SLC2A12: variants seen among roughly 807,000 people sequenced by gnomAD.
SLC2A12 encodes the protein solute carrier family 2, facilitated glucose transporter member 12.
In SLC2A12, 23 loss-of-function variants were observed where a neutral mutation model predicts 41.8. That is an observed-to-expected ratio of 0.55 (90% CI 0.40 to 0.78). The LOEUF (loss-of-function observed/expected upper bound fraction) is 0.78. Among genes scored for constraint, SLC2A12 ranks in the 30% least tolerant of loss-of-function variants. The pLI is 0.00. For missense variants in SLC2A12, 654 were observed against 745.6 expected (o/e 0.88, Z 1.43); for synonymous variants, 295 against 285.9 (o/e 1.03, Z -0.32).
chr6:133,996,741 C>T (rs1197987863), intron 4 of SLC2A12, among the ~76,000 whole-genome samples: 33 of 152,286 alleles, frequency 2.2e-4, no homozygotes, highest in Non-Finnish European at 2.9e-5. Context: ...TTCAAGTTCA[C>T]CTCAGCTTCT....
At chr6:134,025,073 G>A (rs745702038) in intron 2 of SLC2A12, among the ~76,000 whole-genome samples, 2 of 152,148 alleles carry the variant, frequency 1.3e-5, no homozygotes, top group African/African-American at 2.4e-5. Context: ...CTTCAGAAAA[G>A]CAGAGACTAT....
chr6:134,027,037 T>C (rs1006704514), intron 2 of SLC2A12, among the ~76,000 whole-genome samples: 2 of 152,128 alleles, frequency 1.3e-5, no homozygotes, highest in African/African-American at 4.8e-5. Flanking sequence ...TTAATTGAGA[T>C]TAAGCAGGCC....
chr6:134,021,670 G>A (rs919202037), intron 2 of SLC2A12, among the ~76,000 whole-genome samples: 5 of 152,122 alleles, frequency 3.3e-5, no homozygotes, highest in African/African-American at 4.8e-5. Context: ...TCACGTAAAG[G>A]TCACACCACC....
chr6:133,994,189 G>A (rs949992028), intron 4 of SLC2A12, among the ~76,000 whole-genome samples: 2 of 152,200 alleles, frequency 1.3e-5, no homozygotes, highest in African/African-American at 4.8e-5. Flanking sequence ...ATGTGAGAAA[G>A]AGGAAAGACT....
chr6:134,001,768 A>G (rs775394088), intron 4 of SLC2A12, among the ~76,000 whole-genome samples: 53 of 152,116 alleles, frequency 3.5e-4, no homozygotes, highest in Admixed American at 2.4e-3. Flanking sequence ...AAAAAAAAAA[A>G]AAAGCTTCAT....
chr6:134,022,595 A>T (rs1345012379), intron 2 of SLC2A12, among the ~76,000 whole-genome samples: 3 of 142,888 alleles, frequency 2.1e-5, no homozygotes, highest in Non-Finnish European at 3.1e-5. Flanking sequence ...AAAGAAAAGA[A>T]AAATGTTGCC....
chr6:133,993,176 T>C (rs1368808469), intron 4 of SLC2A12, among the ~76,000 whole-genome samples: 1 of 152,164 alleles, frequency 6.6e-6, no homozygotes, highest in East Asian at 1.9e-4. Context: ...TCTCTCTCTG[T>C]TCTCTGACCA....
chr6:134,042,516 G>A lies in SLC2A12; in HGVS notation c.103+9862C>T, dbSNP rs966547267. On this transcript the variant is annotated intron_variant, in intron 1 of 4. Coordinates refer to ENST00000275230, the MANE Select transcript of SLC2A12 (RefSeq NM_145176.3). ...AGAGTGAGACAGAGAAAGAGAAAGAGAGAATGAAAGGCTAAGAGAGCCCAG... is the reference window on the plus strand; with the variant it reads ...AGAGTGAGACAGAGAAAGAGAAAGAAAGAATGAAAGGCTAAGAGAGCCCAG... 2.0e-5 allele frequency among the ~76,000 whole-genome samples: 3 copies of A among 148,608 alleles called. No individual in the cohort carries two copies. In the South Asian group the frequency reaches 6.4e-4, roughly 32 times the overall value.
At chr6:133,994,781 G>A (rs1776666680) in intron 4 of SLC2A12, among the ~76,000 whole-genome samples, 1 of 152,166 alleles carries the variant, frequency 6.6e-6, no homozygotes, top group Non-Finnish European at 1.5e-5. Context: ...GAGGGTGATA[G>A]AGAAGTGGTC....
At position 134,052,481 on chromosome 6, in the gene SLC2A12, G is replaced by A; in HGVS notation, c.-1C>T. The A allele has an allele frequency of 6.2e-7, 1 of 1,612,442 alleles. No homozygotes were observed. Among genetic ancestry groups the A allele is most frequent in the Non-Finnish European group, 8.5e-7 (1 of 1,179,656 alleles). On this transcript the variant is annotated 5_prime_UTR_variant, in exon 1 of 5. Coordinates refer to ENST00000275230, the MANE Select transcript of SLC2A12 (RefSeq NM_145176.3). ...CCTCGGTGTTTTCAACAGGTACCAT[G>A]GTCACGTAGAAGTTACAGCCGCTTC...
At chr6:134,032,255 G>A (rs1458472175) in intron 1 of SLC2A12, among the ~76,000 whole-genome samples, 1 of 151,412 alleles carries the variant, frequency 6.6e-6, no homozygotes, top group Non-Finnish European at 1.5e-5. Context: ...GCAAATAAAG[G>A]TGCAATAATC....
At position 133,990,752 on chromosome 6, in the gene SLC2A12, C is replaced by G. The variant is rs1264909544; in HGVS notation, c.*403G>C. On this transcript the variant is annotated 3_prime_UTR_variant, in exon 5 of 5. Coordinates refer to ENST00000275230, the MANE Select transcript of SLC2A12 (RefSeq NM_145176.3). ...GTGTCTTGGTAGGCAGAAACTGTAC[C>G]CTCATGTCCAGACCACTTGTGTGTC... 6.5e-6 allele frequency: 1 copy of G among 154,944 alleles called. No individual in the cohort carries two copies. The highest frequency in any genetic ancestry group is 2.4e-5 in the African/African-American group (1 of 41,556). 9.6% of individuals were successfully genotyped at this position (154,944 alleles called of 1,614,324 possible). A position where few individuals can be genotyped will look rare whatever the true frequency, so the allele number is the denominator to read the frequency against.
chr6:134,052,504 T>C lies in SLC2A12; in HGVS notation c.-24A>G. The stretch of plus-strand genomic sequence containing the variant: ...ATGGTCACGTAGAAGTTACAGCCGC[T>C]TCCCCGCCACCAAACCGCCCCGACC... On this transcript the variant is annotated 5_prime_UTR_variant, in exon 1 of 5. Transcript: ENST00000275230. The C allele has an allele frequency of 6.3e-7, 1 of 1,599,908 alleles. No homozygotes were observed. Among genetic ancestry groups the C allele is most frequent in the Non-Finnish European group, 8.5e-7 (1 of 1,170,202 alleles).
chr6:133,994,099 G>A (rs1259829179), intron 4 of SLC2A12, among the ~76,000 whole-genome samples: 2 of 152,188 alleles, frequency 1.3e-5, no homozygotes, highest in African/African-American at 4.8e-5. Flanking sequence ...TCAGACCAGG[G>A]CAGCCGTGAA....
At position 134,029,126 on chromosome 6, in the gene SLC2A12, A is replaced by T. The variant is rs764693823; in HGVS notation, c.699T>A (p.Ala233=). 4.3e-6 allele frequency: 7 copies of T among 1,614,154 alleles called. No individual in the cohort carries two copies. Among genetic ancestry groups the T allele is most frequent in the Non-Finnish European group, 5.1e-6 (6 of 1,180,022 alleles). ...CTCTTAACCTTCCAAGAACCTTGCT[A>T]GCAGCTCCCTCTTGTCCTTTCATCA... The part of the protein sequence containing the change: ...FLVMKGQEGA[A]SKVLGRLRAL... The change falls in exon 2 of 5, where the codon GCT becomes GCA. Residue 233 remains alanine, a synonymous_variant. Coordinates refer to ENST00000275230, the MANE Select transcript of SLC2A12 (RefSeq NM_145176.3).
chr6:134,025,142 A>G (rs944923624), intron 2 of SLC2A12, among the ~76,000 whole-genome samples: 2 of 152,230 alleles, frequency 1.3e-5, no homozygotes, highest in Non-Finnish European at 2.9e-5. Flanking sequence ...GGACAATGGT[A>G]CACTATTTTT....
At chr6:134,010,996 C>A (rs1409324483) in intron 2 of SLC2A12, among the ~76,000 whole-genome samples, 1 of 152,104 alleles carries the variant, frequency 6.6e-6, no homozygotes, top group Non-Finnish European at 1.5e-5. Context: ...GGCTTGAGTC[C>A]TTCCTAAACC....
Position 134,052,497 on chromosome 6 carries a change from C to T in SLC2A12, c.-17G>A. On this transcript the variant is annotated 5_prime_UTR_variant, in exon 1 of 5. Coordinates refer to ENST00000275230, the MANE Select transcript of SLC2A12 (RefSeq NM_145176.3). The stretch of plus-strand genomic sequence containing the variant: ...AGGTACCATGGTCACGTAGAAGTTA[C>T]AGCCGCTTCCCCGCCACCAAACCGC... 13 of 1,606,312 alleles carry T rather than the reference C, an allele frequency of 8.1e-6. No individual in the cohort carries two copies. Among genetic ancestry groups the T allele is most frequent in the Non-Finnish European group, 1.1e-5 (13 of 1,175,266 alleles).
chr6:134,005,590 A>G (rs1352835848), intron 3 of SLC2A12, among the ~76,000 whole-genome samples: 7 of 132,530 alleles, frequency 5.3e-5, no homozygotes, highest in African/African-American at 1.7e-4. Flanking sequence ...AACCTGGGAG[A>G]TGGAGGTTGT....
Sources: allele counts gnomAD v4.1 joint callset (sites outside exome capture counted in the v4.1 genomes callset), GRCh38; gene constraint gnomAD v4.1.1; transcripts MANE v1.5; gene names NCBI Gene and HGNC (gene_info 2026-07-23, HGNC 2026-07-21).